The following FXR1 variants were observed in gnomAD, a reference collection of about 807,000 sequenced individuals.
FXR1 encodes the protein FMR1 autosomal homolog 1.
FXR1 carries 15 observed loss-of-function variants against 84.0 expected under a neutral mutation model. That is an observed-to-expected ratio of 0.18 (90% CI 0.12 to 0.27). The LOEUF (loss-of-function observed/expected upper bound fraction) is 0.27. Ranked by LOEUF, FXR1 falls within the 10% of genes least tolerant of loss-of-function variation. The pLI, the probability that FXR1 is intolerant of heterozygous loss-of-function variation, is 1.00. For missense variants in FXR1, 480 were observed against 774.4 expected (o/e 0.62, Z 4.51); for synonymous variants, 245 against 250.7 (o/e 0.98, Z 0.21).
chr3:180,946,629 C>CT (rs1282740225), intron 3 of FXR1, among the ~76,000 whole-genome samples: 2 of 152,272 alleles, frequency 1.3e-5, no homozygotes, highest in East Asian at 3.9e-4. Flanking sequence ...TTTCTCATAG[C>CT]TTTTTTCTAA....
In FXR1 at chr3:180,978,059, G is replaced by T. The variant is rs978429722; in HGVS notation, c.*1767G>T. 7.3e-5 allele frequency: 11 copies of T among 150,896 alleles called. No homozygotes were observed. Among genetic ancestry groups the T allele is most frequent in the Non-Finnish European group, 1.2e-4 (8 of 67,792 alleles). The allele number at this position is 150,896 out of a possible 1,614,324, so 9.3% of individuals were successfully genotyped here. On this transcript the variant is annotated 3_prime_UTR_variant, in exon 17 of 17. Coordinates refer to ENST00000357559, the MANE Select transcript of FXR1 (RefSeq NM_005087.4). ...ATTTAAAAAAATTACCCACAAATGT[G>T]TTTTTTTAAATCGATCAAAGCTAGC...
intron 15 of FXR1, among the ~76,000 whole-genome samples, chr3:180,970,917 T>C (rs535065390): frequency 6.6e-6 from 1 of 152,340 alleles, no homozygotes; most frequent in South Asian, 2.1e-4. Context: ...TGCTGAAAGC[T>C]ACAAAAATGT....
At chr3:180,974,967 A>G (rs887435726) in intron 15 of FXR1, among the ~76,000 whole-genome samples, 2 of 105,468 alleles carry the variant, frequency 1.9e-5, no homozygotes, top group Non-Finnish European at 1.7e-5. Flanking sequence ...GATAATTGCA[A>G]ACACTGGGCT....
chr3:180,951,094 G>A (rs968266838), intron 7 of FXR1, among the ~76,000 whole-genome samples: 2 of 151,692 alleles, frequency 1.3e-5, no homozygotes, highest in East Asian at 1.9e-4. Flanking sequence ...TCAGTGGTGC[G>A]TGCCTGTATT....
chr3:180,925,580 C>T (rs1719077635), intron 1 of FXR1, among the ~76,000 whole-genome samples: 1 of 152,132 alleles, frequency 6.6e-6, no homozygotes, highest in African/African-American at 2.4e-5. Flanking sequence ...CAGAAAATCG[C>T]AAGCAAACCA....
At position 180,979,842 on chromosome 3, in the gene FXR1, G is replaced by A. The variant is rs555650791; in HGVS notation, c.*3550G>A. On this transcript the variant is annotated 3_prime_UTR_variant, in exon 17 of 17. Transcript: ENST00000357559. The stretch of plus-strand genomic sequence containing the variant: ...TTACAAATTTTTAAAAAGTTTATCA[G>A]TGTATCATTTCAGATTCATCTGTAT... 6.6e-6 allele frequency: 1 copy of A among 151,982 alleles called. No individual in the cohort carries two copies. Among genetic ancestry groups the A allele is most frequent in the Non-Finnish European group, 1.5e-5 (1 of 67,920 alleles). The allele number at this position is 151,982 out of a possible 1,614,324, so 9.4% of individuals were successfully genotyped here. A position where few individuals can be genotyped will look rare whatever the true frequency, so the allele number is the denominator to read the frequency against.
chr3:180,946,692 TC>T (rs1721727643), intron 3 of FXR1, among the ~76,000 whole-genome samples: 1 of 152,196 alleles, frequency 6.6e-6, no homozygotes, highest in African/African-American at 2.4e-5. Flanking sequence ...CATTTCCAGT[TC>T]CAGTATTCCT....
At chr3:180,974,681 TC>T (rs755135035) in intron 15 of FXR1, among the ~76,000 whole-genome samples, 3 of 152,128 alleles carry the variant, frequency 2.0e-5, no homozygotes, top group Non-Finnish European at 2.9e-5. Flanking sequence ...CTGGACCTTT[TC>T]CCACTCTGAT....
At chr3:180,954,412 A>G (rs544627359) in intron 9 of FXR1, among the ~76,000 whole-genome samples, 1 of 152,294 alleles carries the variant, frequency 6.6e-6, no homozygotes, top group African/African-American at 2.4e-5. Flanking sequence ...CATTATTGAA[A>G]CTGTTGTACC....
intron 3 of FXR1, among the ~76,000 whole-genome samples, chr3:180,943,597 T>C (rs1281631498): frequency 2.0e-5 from 3 of 152,132 alleles, no homozygotes; most frequent in Admixed American, 6.6e-5. Context: ...CTTAGGAATT[T>C]AGGTTTAGTC....
Position 180,928,160 on chromosome 3 carries a change from G to C in FXR1, c.52-5174G>C, listed in dbSNP as rs562284208. Among the ~76,000 whole-genome samples, 344 of 144,412 alleles carry C rather than the reference G, an allele frequency of 2.4e-3. 1 individual carries two copies. Among genetic ancestry groups the C allele is most frequent in the Non-Finnish European group, 2.6e-3 (172 of 66,068 alleles). 94.7% of individuals were successfully genotyped at this position (144,412 alleles called of 152,430 possible). ...TTTTCTGATGAAGACATCCATTTCTGTTTTCCCCAAGAATTATTTAAATGT... is the reference window on the plus strand; with the variant it reads ...TTTTCTGATGAAGACATCCATTTCTCTTTTCCCCAAGAATTATTTAAATGT... On this transcript the variant is annotated intron_variant, in intron 1 of 16. Coordinates refer to ENST00000357559, the MANE Select transcript of FXR1 (RefSeq NM_005087.4).
Position 180,949,298 on chromosome 3 carries a change from G to A in FXR1, c.585G>A (p.Lys195=). 6.3e-7 allele frequency: 1 copy of A among 1,598,794 alleles called. No homozygotes were observed. The highest frequency in any genetic ancestry group is 1.3e-5 in the African/African-American group (1 of 74,736). Reference sequence around the variant, plus strand: ...TGCATTTGCGAAGTATTCGTACGAAGTTGATGCTTATGTCCAGAAATGAAG... The same window carrying A: ...TGCATTTGCGAAGTATTCGTACGAAATTGATGCTTATGTCCAGAAATGAAG... The part of the protein sequence containing the change: ...SDMHLRSIRT[K]LMLMSRNEEA... The change falls in exon 7 of 17, where the codon AAG becomes AAA. Residue 195 remains lysine (K), a synonymous_variant. Transcript: ENST00000357559.
In FXR1 at chr3:180,912,701, G is replaced by GT; in HGVS notation, c.17dup (p.Glu7GlyfsTer6). The GT allele has an allele frequency of 6.2e-7, 1 of 1,614,026 alleles. No individual in the cohort carries two copies. Among genetic ancestry groups the GT allele is most frequent in the Non-Finnish European group, 8.5e-7 (1 of 1,179,972 alleles). ...CGGTTCCAACATGGCGGAGCTGACG[G>GT]TGGAGGTTCGCGGCTCTAACGGGGC... is the stretch of plus-strand genomic sequence containing the variant. On this transcript the variant is annotated frameshift_variant, in exon 1 of 17. Coordinates refer to ENST00000357559, the MANE Select transcript of FXR1 (RefSeq NM_005087.4). LOFTEE classifies it high-confidence loss of function.
intron 1 of FXR1, among the ~76,000 whole-genome samples, chr3:180,928,604 AT>A (rs111610857): frequency 6.6e-6 from 1 of 151,936 alleles, no homozygotes; most frequent in South Asian, 2.1e-4. Context: ...AGCTTCAGAC[AT>A]TTTTTGTACA....
chr3:180,939,347 T>G (rs1271690180), intron 3 of FXR1, among the ~76,000 whole-genome samples: 2 of 152,170 alleles, frequency 1.3e-5, no homozygotes, highest in African/African-American at 2.4e-5. Flanking sequence ...ATAAACACTT[T>G]TTCTTAAAAT....
At chr3:180,934,691 T>C (rs1463133509) in intron 2 of FXR1, among the ~76,000 whole-genome samples, 2 of 152,208 alleles carry the variant, frequency 1.3e-5, no homozygotes, top group African/African-American at 2.4e-5. Context: ...TTATATTGTT[T>C]TGTAATATAT....
At chr3:180,967,884 G>C (rs1298628433) in intron 13 of FXR1, among the ~76,000 whole-genome samples, 167 bp from the exon 14 acceptor site, 1 of 152,058 alleles carries the variant, frequency 6.6e-6, no homozygotes, top group Non-Finnish European at 1.5e-5. Flanking sequence ...TATAATAATT[G>C]ATTATTCCTT....
At chr3:180,914,760 C>T (rs550058695) in intron 1 of FXR1, 3 of 932,096 alleles carry the variant, frequency 3.2e-6, no homozygotes, top group African/African-American at 1.8e-5. Flanking sequence ...ACTTTGACTC[C>T]ATTACTCATT....
intron 1 of FXR1, among the ~76,000 whole-genome samples, chr3:180,926,506 A>ATATATATATATATATATATAT (rs72192827): frequency 8.8e-5 from 11 of 124,386 alleles, no homozygotes; most frequent in Admixed American, 1.7e-4. Context: ...ATATATATAT[A>ATATATATATATATATATATAT]TTTTTTTTTC....
Sources: gnomAD v4.1 joint callset for allele counts (sites outside exome capture counted in the v4.1 genomes callset) on GRCh38, gnomAD v4.1.1 for gene constraint, MANE v1.5 for transcripts, NCBI Gene and HGNC (gene_info 2026-07-23, HGNC 2026-07-21) for gene names.